NTRK1: variants seen among roughly 807,000 people sequenced by gnomAD.
NTRK1 encodes high affinity nerve growth factor receptor.
In NTRK1, 62 loss-of-function variants were observed where a neutral mutation model predicts 86.8. The ratio of observed to expected loss-of-function variants is 0.71; its 90% confidence interval spans 0.58 to 0.88. The LOEUF is 0.88. NTRK1 is among the 40% of genes least tolerant of loss of function. The pLI is 0.00. For synonymous variants in NTRK1, 469 were observed against 456.6 expected (o/e 1.03, Z -0.35); for missense variants, 967 against 1,078.4 (o/e 0.90, Z 1.45).
rs573537274 is a variant in NTRK1 at position 156,826,569 on chromosome 1, A to G, written c.-64+10731A>G. Among the ~76,000 whole-genome samples the G allele has an allele frequency of 4.4e-3, 668 of 152,192 alleles. 7 individuals are homozygous for G. Among genetic ancestry groups the G allele is most frequent in the African/African-American group, 0.015 (641 of 41,530 alleles). ...CTCCCAAAGTGCTGGGATTACAGGC[A>G]TGAGCCACTGTGCCCGGCTGATCTC... On this transcript the variant is annotated intron_variant, in intron 1 of 16. Transcript: ENST00000392302.
intron 1 of NTRK1, among the ~76,000 whole-genome samples, chr1:156,820,559 G>T (rs1346461426): frequency 1.3e-5 from 2 of 152,142 alleles, no homozygotes; most frequent in African/African-American, 4.8e-5. Context: ...CCCAATGTAT[G>T]TTTTTGTATG....
At chr1:156,863,412 G>GTC (rs150031107) in intron 1 of NTRK1, among the ~76,000 whole-genome samples, 6,680 of 149,522 alleles carry the variant, frequency 0.045, 210 homozygotes, top group Non-Finnish European at 0.065. Flanking sequence ...CCATCTTTCT[G>GTC]TCTCTCTCTC....
At chr1:156,818,377 G>A (rs576252542) in intron 1 of NTRK1, among the ~76,000 whole-genome samples, 1 of 152,140 alleles carries the variant, frequency 6.6e-6, no homozygotes, top group South Asian at 2.1e-4. Context: ...TTGGGTTTTG[G>A]CTACATGGAT....
intron 1 of NTRK1, among the ~76,000 whole-genome samples, chr1:156,820,219 A>G (rs1042415009): frequency 3.3e-5 from 5 of 152,108 alleles, no homozygotes; most frequent in African/African-American, 1.2e-4. Flanking sequence ...AGCACCATTT[A>G]TTGAATAGGG....
rs570959051 is a variant in NTRK1, at chr1:156,881,576, G to A, written c.2325G>A (p.Lys775=). The A allele has an allele frequency of 1.9e-6, 3 of 1,611,804 alleles. No individual in the cohort carries two copies. Among genetic ancestry groups the A allele is most frequent in the South Asian group, 2.2e-5 (2 of 90,558 alleles). The change falls in exon 17 of 17, where the codon AAG becomes AAA. Residue 775 remains lysine (K), a synonymous_variant. Transcript: ENST00000524377. ...QREPQQRHSI[K]DVHARLQALA... ...AGCCCCAGCAACGCCACAGCATCAA[G>A]GATGTGCACGCCCGGCTGCAAGCCC...
At chr1:156,852,176 T>A (rs775940234) in intron 2 of NTRK1, 1 of 1,601,540 alleles carries the variant, frequency 6.2e-7, no homozygotes, top group Non-Finnish European at 8.5e-7. Context: ...AGCCATCCCA[T>A]GGGGGCAGGG....
chr1:156,837,378 G>A (rs1222221020), intron 1 of NTRK1, among the ~76,000 whole-genome samples: 3 of 152,242 alleles, frequency 2.0e-5, no homozygotes, highest in Non-Finnish European at 4.4e-5. Flanking sequence ...TCAAGAGGAT[G>A]CTACATTCCC....
At chr1:156,845,169 C>A in intron 2 of NTRK1, 1 of 1,611,356 alleles carries the variant, frequency 6.2e-7, no homozygotes, top group Non-Finnish European at 8.5e-7. Context: ...ATCCGGTATT[C>A]CGTGAAGTGG....
At chr1:156,852,637 C>T (rs1655265454) in intron 2 of NTRK1, among the ~76,000 whole-genome samples, 1 of 152,340 alleles carries the variant, frequency 6.6e-6, no homozygotes, top group South Asian at 2.1e-4. Context: ...CCTGCCCATA[C>T]CGCCCCCACC....
At chr1:156,848,883 G>C (rs1202749806) in intron 2 of NTRK1, 5 of 1,544,330 alleles carry the variant, frequency 3.2e-6, no homozygotes, top group Admixed American at 2.0e-5. Flanking sequence ...GGCCTCGTCC[G>C]GTCCCGCCCC....
At chr1:156,851,423 G>A (rs201898311) in intron 2 of NTRK1, 1 of 1,614,174 alleles carries the variant, frequency 6.2e-7, no homozygotes, top group East Asian at 2.2e-5. Context: ...TGCAGCTGTG[G>A]CTCCAGGTTG....
At chr1:156,862,127 T>C (rs1424986635) in intron 1 of NTRK1, among the ~76,000 whole-genome samples, 2 of 152,190 alleles carry the variant, frequency 1.3e-5, no homozygotes, top group African/African-American at 4.8e-5. Flanking sequence ...ACCTTGGCCT[T>C]GTGCTGTGAT....
chr1:156,874,405 G>C lies in NTRK1; in HGVS notation c.1195+5G>C, dbSNP rs2102909015. The C allele has an allele frequency of 1.2e-6, 2 of 1,614,074 alleles. No individual in the cohort carries two copies. Among genetic ancestry groups the C allele is most frequent in the Non-Finnish European group, 1.7e-6 (2 of 1,180,014 alleles). On this transcript the variant is annotated splice_donor_5th_base_variant and intron_variant, in intron 9 of 16. Transcript: ENST00000524377. ...CAGTCTCCTTCTCGCCGGTGGGTGA[G>C]TAGCCCAAGGTGGAGGGCAGGTTCT...
At chr1:156,868,741 C>T (rs1405066536) in intron 6 of NTRK1, 94 bp downstream of exon 6, 1 of 1,505,620 alleles carries the variant, frequency 6.6e-7, no homozygotes, top group African/African-American at 1.4e-5. Flanking sequence ...AGGAAAGAGA[C>T]AACGAATAAG....
chr1:156,829,583 A>G (rs1005323331), intron 1 of NTRK1, among the ~76,000 whole-genome samples: 1 of 152,050 alleles, frequency 6.6e-6, no homozygotes, highest in African/African-American at 2.4e-5. Flanking sequence ...TCTGGGTAGG[A>G]TGACACTATA....
At chr1:156,843,141 G>T in intron 2 of NTRK1, 1 of 1,614,084 alleles carries the variant, frequency 6.2e-7, no homozygotes. Context: ...CCTCGTGCCA[G>T]CCCCTCATAT....
intron 2 of NTRK1, among the ~76,000 whole-genome samples, chr1:156,849,916 C>CT (rs56654147): frequency 1.2e-3 from 177 of 146,046 alleles, no homozygotes; most frequent in Non-Finnish European, 7.6e-4. Flanking sequence ...TAGATGGTAA[C>CT]TTTTTTTTTT....
At chr1:156,828,863 C>T (rs1466485045) in intron 1 of NTRK1, among the ~76,000 whole-genome samples, 3 of 152,200 alleles carry the variant, frequency 2.0e-5, no homozygotes, top group African/African-American at 4.8e-5. Context: ...TGACTCAGTG[C>T]ATTGCTTTGT....
At chr1:156,844,003 G>GAGTT (rs1019885106) in intron 2 of NTRK1, among the ~76,000 whole-genome samples, 1 of 152,226 alleles carries the variant, frequency 6.6e-6, no homozygotes, top group Non-Finnish European at 1.5e-5. Flanking sequence ...TAACCGGGAT[G>GAGTT]AGTTGGTCAC....
Sources: gnomAD v4.1 joint callset for allele counts (sites outside exome capture counted in the v4.1 genomes callset) on GRCh38, gnomAD v4.1.1 for gene constraint, MANE v1.5 for transcripts, NCBI Gene and HGNC (gene_info 2026-07-23, HGNC 2026-07-21) for gene names.